The following PPARGC1A variants were observed in gnomAD, a reference collection of about 807,000 sequenced individuals.
PPARGC1A encodes the protein peroxisome proliferator-activated receptor gamma coactivator 1-alpha.
Under a neutral mutation model 88.7 loss-of-function variants are expected in PPARGC1A, and 25 were observed. That is an observed-to-expected ratio of 0.28 (90% confidence interval 0.21 to 0.39). The LOEUF is 0.39. Ranked by LOEUF, PPARGC1A falls within the 10% of genes least tolerant of loss-of-function variation. PPARGC1A has a pLI of 1.00. For synonymous variants in PPARGC1A, 363 were observed against 355.6 expected (o/e 1.02, Z -0.24); for missense variants, 880 against 968.7 (o/e 0.91, Z 1.22).
chr4:23,927,253 G>C, the PPARGC1A span, among the ~76,000 whole-genome samples: 4 of 152,090 alleles, frequency 2.6e-5, no homozygotes, highest in African/African-American at 9.7e-5. Flanking sequence ...TTGAAGTATG[G>C]TTTCTACTGA....
At chr4:24,421,713 C>T in the PPARGC1A span, among the ~76,000 whole-genome samples, 5 of 152,182 alleles carry the variant, frequency 3.3e-5, no homozygotes, top group Non-Finnish European at 1.5e-5. Flanking sequence ...CTCCATGATG[C>T]GTACCTGTCA....
At chr4:23,979,042 T>C in the PPARGC1A span, among the ~76,000 whole-genome samples, 1 of 152,112 alleles carries the variant, frequency 6.6e-6, no homozygotes, top group South Asian at 2.1e-4. Flanking sequence ...GAAGGAAATA[T>C]GAGCTGCACG....
At chr4:24,045,687 C>T in the PPARGC1A span, among the ~76,000 whole-genome samples, 2 of 152,284 alleles carry the variant, frequency 1.3e-5, no homozygotes, top group South Asian at 2.1e-4. Flanking sequence ...TTAGGACCTG[C>T]ACTAATCCAG....
At chr4:24,105,019 A>G in the PPARGC1A span, among the ~76,000 whole-genome samples, 1 of 152,204 alleles carries the variant, frequency 6.6e-6, no homozygotes, top group Non-Finnish European at 1.5e-5. Flanking sequence ...ACGCCCATGT[A>G]TGGCACGTGG....
the PPARGC1A span, among the ~76,000 whole-genome samples, chr4:24,229,208 C>T: frequency 2.7e-5 from 3 of 109,762 alleles, no homozygotes; most frequent in East Asian, 3.0e-4. Flanking sequence ...GGCTGGAGTA[C>T]AGTGGCGCAA....
At chr4:24,051,474 AC>A in the PPARGC1A span, among the ~76,000 whole-genome samples, 5 of 152,204 alleles carry the variant, frequency 3.3e-5, no homozygotes, top group Non-Finnish European at 7.3e-5. Context: ...CTCTATCTTA[AC>A]ACTCACAGTA....
the PPARGC1A span, among the ~76,000 whole-genome samples, chr4:24,020,153 T>C: frequency 2.0e-5 from 3 of 152,316 alleles, no homozygotes; most frequent in African/African-American, 4.8e-5. Flanking sequence ...AACTGCAATA[T>C]TGACCGACAA....
chr4:24,316,787 A>G, the PPARGC1A span, among the ~76,000 whole-genome samples: 47 of 152,202 alleles, frequency 3.1e-4, no homozygotes, highest in Non-Finnish European at 4.6e-4. Context: ...GGCACATTGT[A>G]AGAACTATGA....
chr4:24,344,719 T>C, the PPARGC1A span, among the ~76,000 whole-genome samples: 2 of 152,196 alleles, frequency 1.3e-5, no homozygotes, highest in South Asian at 2.1e-4. Context: ...TTTACTCTGC[T>C]GACTCTTCCT....
the PPARGC1A span, among the ~76,000 whole-genome samples, chr4:24,326,405 A>C: frequency 6.6e-6 from 1 of 151,804 alleles, no homozygotes; most frequent in Admixed American, 6.6e-5. Flanking sequence ...AAACCCATAT[A>C]CTCTCCTATC....
chr4:24,051,197 A>AAC, the PPARGC1A span, among the ~76,000 whole-genome samples: 15 of 150,738 alleles, frequency 1.0e-4, no homozygotes, highest in South Asian at 4.2e-4. Context: ...CAAAAAAAAA[A>AAC]AAAAAAAAAA....
chr4:24,250,259 C>A, the PPARGC1A span, among the ~76,000 whole-genome samples: 1 of 152,208 alleles, frequency 6.6e-6, no homozygotes, highest in African/African-American at 2.4e-5. Context: ...TGGTTTCCTG[C>A]AATTTCTGGA....
chr4:23,875,185 C>G (rs979495230), intron 2 of PPARGC1A, among the ~76,000 whole-genome samples: 1 of 152,088 alleles, frequency 6.6e-6, no homozygotes, highest in Non-Finnish European at 1.5e-5. Context: ...CTTAGAAGTC[C>G]TCAACATCTT....
At chr4:24,305,296 A>G in the PPARGC1A span, among the ~76,000 whole-genome samples, 1 of 151,562 alleles carries the variant, frequency 6.6e-6, no homozygotes, top group African/African-American at 2.4e-5. Flanking sequence ...GCAGAAAAAC[A>G]AACAAACAAA....
the PPARGC1A span, among the ~76,000 whole-genome samples, chr4:23,996,120 T>C: frequency 1.3e-5 from 2 of 152,158 alleles, no homozygotes; most frequent in African/African-American, 4.8e-5. Flanking sequence ...GTAAGCACTT[T>C]CACAGCTATG....
At chr4:23,895,229 A>C (rs966389433) in intron 1 of PPARGC1A, among the ~76,000 whole-genome samples, 2 of 150,946 alleles carry the variant, frequency 1.3e-5, no homozygotes, top group African/African-American at 4.9e-5. Context: ...AGTACTAATT[A>C]GCTTAGCTTT....
the PPARGC1A span, among the ~76,000 whole-genome samples, chr4:24,354,043 G>A: frequency 2.0e-5 from 3 of 152,088 alleles, no homozygotes; most frequent in African/African-American, 7.2e-5. Context: ...TCCTATCAAG[G>A]CAGGGCTGAT....
the PPARGC1A span, among the ~76,000 whole-genome samples, chr4:23,961,988 A>C: frequency 6.6e-6 from 1 of 152,180 alleles, no homozygotes; most frequent in South Asian, 2.1e-4. Context: ...GAGCATTTGC[A>C]CTGTTAGGTG....
Position 23,806,487 on chromosome 4 carries a change from C to G in PPARGC1A, c.2020-4142G>C, listed in dbSNP as rs1203822229. Among the ~76,000 whole-genome samples the G allele has an allele frequency of 7.2e-5, 11 of 152,164 alleles. 1 individual carries two copies. Among genetic ancestry groups the G allele is most frequent in the Admixed American group, 7.2e-4 (11 of 15,266 alleles). On this transcript the variant is annotated intron_variant, in intron 10 of 12. Coordinates refer to ENST00000264867, the MANE Select transcript of PPARGC1A (RefSeq NM_013261.5). Reference sequence around the variant, plus strand: ...AAATGCTTAATGACATTTTCAACTTCTTAAAGGCTTGGAGGAACTCTAAAC... The same window carrying G: ...AAATGCTTAATGACATTTTCAACTTGTTAAAGGCTTGGAGGAACTCTAAAC...
Sources: gnomAD v4.1 joint callset for allele counts (sites outside exome capture counted in the v4.1 genomes callset) on GRCh38, gnomAD v4.1.1 for gene constraint, MANE v1.5 for transcripts, NCBI Gene and HGNC (gene_info 2026-07-23, HGNC 2026-07-21) for gene names.